Variants in CAMKMT observed in about 807,000 individuals in gnomAD.
The protein encoded by CAMKMT is calmodulin-lysine N-methyltransferase.
A neutral mutation model predicts 48.0 loss-of-function variants in CAMKMT; 53 were observed. The ratio of observed to expected loss-of-function variants is 1.10; its 90% CI spans 0.89 to 1.39. The LOEUF is 1.39. CAMKMT is among the 40% of genes most tolerant of loss of function. The pLI, the probability that CAMKMT is intolerant of heterozygous loss-of-function variation, is 0.00. For synonymous variants in CAMKMT, 165 were observed against 152.3 expected (o/e 1.08, Z -0.61); for missense variants, 428 against 402.7 (o/e 1.06, Z -0.54).
At chr2:44,418,539 G>A (rs1159046758) in intron 3 of CAMKMT, among the ~76,000 whole-genome samples, 1 of 151,974 alleles carries the variant, frequency 6.6e-6, no homozygotes, top group Non-Finnish European at 1.5e-5. Flanking sequence ...CATCCTTTTT[G>A]AAAATCATTT....
intron 3 of CAMKMT, among the ~76,000 whole-genome samples, chr2:44,487,695 T>C (rs1159862341): frequency 6.6e-6 from 1 of 152,236 alleles, no homozygotes; most frequent in Non-Finnish European, 1.5e-5. Flanking sequence ...GGATGAGATA[T>C]GTGAAATGGA....
chr2:44,481,724 T>C (rs938579293), intron 3 of CAMKMT, among the ~76,000 whole-genome samples: 2 of 152,090 alleles, frequency 1.3e-5, no homozygotes, highest in African/African-American at 4.8e-5. Flanking sequence ...GTAAGTAAAA[T>C]CATTTCGATG....
intron 3 of CAMKMT, among the ~76,000 whole-genome samples, chr2:44,483,475 C>A (rs546792828): frequency 6.6e-6 from 1 of 152,088 alleles, no homozygotes; most frequent in Non-Finnish European, 1.5e-5. Flanking sequence ...TAATTGCTCT[C>A]CTCTGTTTAG....
intron 3 of CAMKMT, among the ~76,000 whole-genome samples, chr2:44,446,120 G>A (rs1666982277): frequency 1.3e-5 from 2 of 151,986 alleles, no homozygotes. Context: ...CTAATTTTTT[G>A]TATTTTTAGT....
At chr2:44,557,335 G>A (rs1668068144) in intron 3 of CAMKMT, among the ~76,000 whole-genome samples, 1 of 151,058 alleles carries the variant, frequency 6.6e-6, no homozygotes, top group East Asian at 1.9e-4. Flanking sequence ...TCTCTTATTT[G>A]AGGAAATAAA....
intron 3 of CAMKMT, among the ~76,000 whole-genome samples, chr2:44,528,073 G>A (rs150264683): frequency 5.9e-5 from 9 of 152,156 alleles, no homozygotes; most frequent in Non-Finnish European, 1.3e-4. Context: ...GGTATTGAGA[G>A]ATTATTTGGT....
At chr2:44,646,013 C>G (rs2104017002) in intron 3 of CAMKMT, among the ~76,000 whole-genome samples, 1 of 152,312 alleles carries the variant, frequency 6.6e-6, no homozygotes, top group East Asian at 1.9e-4. Flanking sequence ...TATAACCCTA[C>G]ATGTGTTCCC....
intron 7 of CAMKMT, among the ~76,000 whole-genome samples, chr2:44,734,003 C>G (rs1679221574): frequency 6.6e-6 from 1 of 151,938 alleles, no homozygotes; most frequent in Non-Finnish European, 1.5e-5. Context: ...TTATTGATCT[C>G]AAAGAATCAG....
At chr2:44,586,246 G>A (rs769768296) in intron 3 of CAMKMT, among the ~76,000 whole-genome samples, 1 of 152,040 alleles carries the variant, frequency 6.6e-6, no homozygotes, top group African/African-American at 2.4e-5. Context: ...TTGAAACACA[G>A]CTTTATTGAA....
chr2:44,650,355 G>T (rs751747979), intron 3 of CAMKMT, among the ~76,000 whole-genome samples: 13 of 152,142 alleles, frequency 8.5e-5, no homozygotes, highest in Non-Finnish European at 1.9e-4. Context: ...CTGTACTCCA[G>T]TGTCACCTCA....
chr2:44,608,193 C>G (rs1671403030), intron 3 of CAMKMT, among the ~76,000 whole-genome samples: 1 of 151,744 alleles, frequency 6.6e-6, no homozygotes, highest in Admixed American at 6.6e-5. Context: ...CTGCCTCAGC[C>G]TCCCAAGTAG....
At chr2:44,598,268 C>A (rs1670785766) in intron 3 of CAMKMT, among the ~76,000 whole-genome samples, 1 of 151,920 alleles carries the variant, frequency 6.6e-6, no homozygotes, top group East Asian at 1.9e-4. Flanking sequence ...AGTTCATGGA[C>A]CCCCTGAATT....
intron 3 of CAMKMT, among the ~76,000 whole-genome samples, chr2:44,504,007 G>GAGAGAGAA (rs1278036478): frequency 2.0e-4 from 30 of 151,418 alleles, no homozygotes; most frequent in African/African-American, 7.3e-4. Context: ...GAGAGAGAGA[G>GAGAGAGAA]AAAACGAAAC....
At chr2:44,554,694 G>A (rs1004026073) in intron 3 of CAMKMT, among the ~76,000 whole-genome samples, 1 of 151,844 alleles carries the variant, frequency 6.6e-6, no homozygotes, top group Non-Finnish European at 1.5e-5. Flanking sequence ...AACATAGTTA[G>A]ACCTTGTCTC....
At chr2:44,578,227 C>T (rs1293771358) in intron 3 of CAMKMT, among the ~76,000 whole-genome samples, 1 of 151,970 alleles carries the variant, frequency 6.6e-6, no homozygotes. Flanking sequence ...AAAGAATACA[C>T]CGTAACATAA....
At chr2:44,445,459 A>G (rs1201147362) in intron 3 of CAMKMT, among the ~76,000 whole-genome samples, 1 of 152,006 alleles carries the variant, frequency 6.6e-6, no homozygotes, top group Non-Finnish European at 1.5e-5. Context: ...ATTCCCTTGA[A>G]AAATGCCCTC....
chr2:44,567,493 A>G (rs1668677239), intron 3 of CAMKMT, among the ~76,000 whole-genome samples: 2 of 152,188 alleles, frequency 1.3e-5, no homozygotes. Context: ...TCCCATGTCA[A>G]TCCTTTGTAA....
chr2:44,368,979 A>G (rs1266971614), intron 1 of CAMKMT, among the ~76,000 whole-genome samples: 1 of 152,106 alleles, frequency 6.6e-6, no homozygotes, highest in Non-Finnish European at 1.5e-5. Context: ...TCTGCCTCCC[A>G]GGCTCAAGCA....
At chr2:44,677,714 A>T (rs1675792158) in intron 3 of CAMKMT, among the ~76,000 whole-genome samples, 1 of 152,122 alleles carries the variant, frequency 6.6e-6, no homozygotes, top group African/African-American at 2.4e-5. Context: ...GTCTAAAAAA[A>T]AAAAAAGCGT....
Sources: allele counts gnomAD v4.1 joint callset (sites outside exome capture counted in the v4.1 genomes callset), GRCh38; gene constraint gnomAD v4.1.1; transcripts MANE v1.5; gene names NCBI Gene and HGNC (gene_info 2026-07-23, HGNC 2026-07-21).